Variants in DNAJB14 observed in about 807,000 individuals in gnomAD.
The protein encoded by DNAJB14 is dnaJ homolog subfamily B member 14.
In DNAJB14, 22 loss-of-function variants were observed where a neutral mutation model predicts 48.4. The observed-to-expected ratio is 0.45, with a 90% CI of 0.32 to 0.65. The LOEUF (loss-of-function observed/expected upper bound fraction) is 0.65. DNAJB14 is among the 30% of genes least tolerant of loss of function. The probability of loss-of-function intolerance (pLI) is 0.03; values close to 1 mark genes in which losing one functional copy is unlikely to be tolerated. For missense variants in DNAJB14, 319 were observed against 458.8 expected, an observed-to-expected ratio of 0.70 and a Z score of 2.78; for synonymous variants, 142 against 158.7, an observed-to-expected ratio of 0.89 and a Z score of 0.79.
At chr4:99,941,359 T>C (rs1726884337) in intron 1 of DNAJB14, among the ~76,000 whole-genome samples, 1 of 152,194 alleles carries the variant, frequency 6.6e-6, no homozygotes, top group Non-Finnish European at 1.5e-5. Context: ...AATTATCTTA[T>C]GCTCAAATAA....
At chr4:99,928,450 A>C in intron 2 of DNAJB14, 1 of 290,578 alleles carries the variant, frequency 3.4e-6, no homozygotes, top group East Asian at 1.0e-4. Context: ...CCTTGCCTAC[A>C]GCCAGTTCCT....
At chr4:99,901,734 C>A (rs1294241242) in intron 7 of DNAJB14, among the ~76,000 whole-genome samples, 1 of 152,100 alleles carries the variant, frequency 6.6e-6, no homozygotes, top group Non-Finnish European at 1.5e-5. Context: ...AGCACAGCTA[C>A]TAATGATATA....
At chr4:99,909,186 T>C (rs1725571086) in intron 3 of DNAJB14, among the ~76,000 whole-genome samples, 2 of 152,074 alleles carry the variant, frequency 1.3e-5, no homozygotes. Context: ...TAAGCCATTC[T>C]TCAAGTGGTT....
Position 99,901,112 on chromosome 4 carries a change from A to G in DNAJB14, c.1056T>C (p.Asp352=). The change falls in exon 8 of 8, where the codon GAT becomes GAC. Residue 352 remains aspartate, a synonymous_variant. Coordinates refer to ENST00000442697, the MANE Select transcript of DNAJB14 (RefSeq NM_001031723.4). ...AGGCATCTGCCTTCCTTCGGAGTCGATCATCACGGTATACTTTTGCTGCAT... is the reference window on the plus strand; with the variant it reads ...AGGCATCTGCCTTCCTTCGGAGTCGGTCATCACGGTATACTTTTGCTGCAT... ...MQYAAKVYRD[D]RLRRKADALS... 1 of 1,610,970 alleles carries G rather than the reference A, an allele frequency of 6.2e-7. No individual in the cohort carries two copies. Among genetic ancestry groups the G allele is most frequent in the Non-Finnish European group, 8.5e-7 (1 of 1,179,234 alleles).
chr4:99,915,774 T>C (rs1198368953), intron 3 of DNAJB14, among the ~76,000 whole-genome samples: 1 of 152,216 alleles, frequency 6.6e-6, no homozygotes, highest in South Asian at 2.1e-4. Context: ...AGTTCTTCTA[T>C]ATTCTTGTTG....
chr4:99,940,941 A>G (rs1212504180), intron 1 of DNAJB14, among the ~76,000 whole-genome samples: 1 of 150,844 alleles, frequency 6.6e-6, no homozygotes, highest in East Asian at 1.9e-4. Flanking sequence ...CAATCCCTAT[A>G]TATATATATA....
intron 1 of DNAJB14, among the ~76,000 whole-genome samples, chr4:99,934,376 G>A (rs897238848): frequency 1.3e-5 from 2 of 152,000 alleles, no homozygotes; most frequent in African/African-American, 2.4e-5. Context: ...CTCTGAAGAC[G>A]ATAAATACAC....
At chr4:99,931,995 T>G (rs1323205108) in intron 1 of DNAJB14, among the ~76,000 whole-genome samples, 1 of 152,050 alleles carries the variant, frequency 6.6e-6, no homozygotes, top group African/African-American at 2.4e-5. Context: ...AAATTTGGAC[T>G]CCATCACACT....
At position 99,897,890 on chromosome 4, in the gene DNAJB14, C is replaced by G. The variant is rs1458887904; in HGVS notation, c.*3138G>C. The G allele has an allele frequency of 1.3e-5, 2 of 151,948 alleles. No homozygotes were observed. Among genetic ancestry groups the G allele is most frequent in the South Asian group, 4.1e-4 (2 of 4,836 alleles). The allele number at this position is 151,948 out of a possible 1,614,324, so 9.4% of individuals were successfully genotyped here. A position where few individuals can be genotyped will look rare whatever the true frequency, so the allele number is the denominator to read the frequency against. On this transcript the variant is annotated 3_prime_UTR_variant, in exon 8 of 8. Transcript: ENST00000442697. Reference sequence around the variant, plus strand: ...AACCATTTGGTCCTCTGATATAAAACTTGCTTAACTGGCAAGATGGCTCAC... The same window carrying G: ...AACCATTTGGTCCTCTGATATAAAAGTTGCTTAACTGGCAAGATGGCTCAC...
chr4:99,927,540 A>C (rs903990789), intron 2 of DNAJB14: 20 of 152,296 alleles, frequency 1.3e-4, no homozygotes, highest in African/African-American at 4.6e-4. Context: ...TGATCTTGTA[A>C]AGTTTTAAAG....
chr4:99,926,207 G>A (rs1418803277), intron 2 of DNAJB14: 1 of 152,128 alleles, frequency 6.6e-6, no homozygotes, highest in African/African-American at 2.4e-5. Context: ...AATTACCAAA[G>A]TGTACTACAG....
chr4:99,906,050 G>A, intron 5 of DNAJB14: 2 of 1,312,100 alleles, frequency 1.5e-6, no homozygotes, highest in Non-Finnish European at 2.0e-6. Context: ...TGGATTTGAG[G>A]GTAGAAGATG....
intron 3 of DNAJB14, among the ~76,000 whole-genome samples, chr4:99,919,432 A>C (rs1278516546): frequency 6.6e-6 from 1 of 152,100 alleles, no homozygotes; most frequent in East Asian, 1.9e-4. Flanking sequence ...AAAATACAAA[A>C]TAATTAACTG....
Position 99,930,608 on chromosome 4 carries a change from T to G in DNAJB14, c.147A>C (p.Ile49=). 6.2e-7 allele frequency: 1 copy of G among 1,610,954 alleles called. No homozygotes were observed. The highest frequency in any genetic ancestry group is 1.1e-5 in the South Asian group (1 of 90,356). The part of the protein sequence containing the change: ...PLPSARALLE[I]IMKNGSTAGN... ...CAGCCGTGCTTCCATTTTTCATAAT[T>G]ATTTCCAATAGTGCTGTAGAAAGAT... Residue 49 remains isoleucine, a synonymous_variant, in exon 2 of 8, where the codon ATA becomes ATC. Coordinates refer to ENST00000442697, the MANE Select transcript of DNAJB14 (RefSeq NM_001031723.4).
chr4:99,942,193 T>C (rs1726911427), intron 1 of DNAJB14: 2 of 152,086 alleles, frequency 1.3e-5, no homozygotes. Flanking sequence ...AATTATATAC[T>C]ATTCAATACA....
chr4:99,903,704 G>A, intron 7 of DNAJB14, 22 bp downstream of exon 7: 4 of 1,596,894 alleles, frequency 2.5e-6, no homozygotes, highest in Non-Finnish European at 2.6e-6. Flanking sequence ...GTTTTAAAAT[G>A]TTAAACACAT....
intron 2 of DNAJB14, chr4:99,927,405 C>T (rs748120942): frequency 2.6e-5 from 4 of 152,024 alleles, no homozygotes; most frequent in Non-Finnish European, 4.4e-5. Flanking sequence ...ATAAGTTTAG[C>T]GAAATGATTT....
At chr4:99,901,228 T>C in intron 7 of DNAJB14, 76 bp from the exon 8 acceptor site, 1 of 1,268,356 alleles carries the variant, frequency 7.9e-7, no homozygotes, top group Non-Finnish European at 1.1e-6. Flanking sequence ...AGTGATGCTT[T>C]ACAGGAGCCC....
Position 99,896,758 on chromosome 4 carries a change from AT to A in DNAJB14, c.*4269del, listed in dbSNP as rs1560725296. 6.6e-6 allele frequency: 1 copy of A among 152,138 alleles called. No individual in the cohort carries two copies. Among genetic ancestry groups the A allele is most frequent in the African/African-American group, 2.4e-5 (1 of 41,444 alleles). The allele number at this position is 152,138 out of a possible 1,614,324, so 9.4% of individuals were successfully genotyped here. A position where few individuals can be genotyped will look rare whatever the true frequency, so the allele number is the denominator to read the frequency against. ...TCCAATGTCACTGAAAATCTCTATG[AT>A]TTTAATGGTGTCCTTAAATGGCAAA... On this transcript the variant is annotated 3_prime_UTR_variant, in exon 8 of 8. Transcript: ENST00000442697.
Sources: allele counts gnomAD v4.1 joint callset (sites outside exome capture counted in the v4.1 genomes callset), GRCh38; gene constraint gnomAD v4.1.1; transcripts MANE v1.5; gene names NCBI Gene and HGNC (gene_info 2026-07-23, HGNC 2026-07-21).